ZNF740: variants seen among roughly 807,000 people sequenced by gnomAD.
ZNF740 encodes oriLyt TD-element-binding protein 7.
Under a neutral mutation model 24.8 loss-of-function variants are expected in ZNF740, and 14 were observed. The observed-to-expected ratio is 0.56, with a 90% confidence interval of 0.37 to 0.88. The LOEUF (loss-of-function observed/expected upper bound fraction) is 0.88, where lower values mean the gene tolerates loss of function less well. ZNF740 is among the 40% of genes least tolerant of loss of function. The pLI is 0.00. For missense variants in ZNF740, 201 were observed against 247.9 expected (o/e 0.81, Z 1.27); for synonymous variants, 69 against 84.0 (o/e 0.82, Z 0.98).
At position 53,192,614 on chromosome 12, in the gene ZNF740, G is replaced by A. The variant is rs762561473; in HGVS notation, c.*5024G>A. On this transcript the variant is annotated 3_prime_UTR_variant, in exon 7 of 7. Coordinates refer to ENST00000416904, the MANE Select transcript of ZNF740 (RefSeq NM_001004304.4). The stretch of plus-strand genomic sequence containing the variant: ...CCCCTTGCCCAACTACAAGCAGGAC[G>A]GAGAGTAGGCAGATGGGAGTAGCTC... The A allele has an allele frequency of 1.0e-4, 162 of 1,596,358 alleles. No homozygotes were observed. The highest frequency in any genetic ancestry group is 1.3e-4 in the Non-Finnish European group (157 of 1,166,564).
At position 53,184,114 on chromosome 12, in the gene ZNF740, G is replaced by GGCGT. The variant is rs1555175868; in HGVS notation, c.10-776_10-775insCGTG. Reference sequence around the variant, plus strand: ...TCAAAAGTGGGCTCTGAAGCTAAGGGGTGTGTGTGTGTGTGTGTGTGTGTG... The same window carrying GGCGT: ...TCAAAAGTGGGCTCTGAAGCTAAGGGGCGTGTGTGTGTGTGTGTGTGTGTGTGTG... On this transcript the variant is annotated intron_variant, in intron 2 of 6. Transcript: ENST00000416904. Among the ~76,000 whole-genome samples the GGCGT allele has an allele frequency of 2.4e-5, 3 of 123,572 alleles. No homozygotes were observed. In the South Asian group the frequency reaches 8.2e-4, roughly 34 times the overall value. 81.1% of individuals were successfully genotyped at this position (123,572 alleles called of 152,430 possible).
chr12:53,194,373 C>T lies in ZNF740; in HGVS notation c.*6783C>T, dbSNP rs369904639. On this transcript the variant is annotated 3_prime_UTR_variant, in exon 7 of 7. Transcript: ENST00000416904. ...TGGGAAGAGAGCGAGTGGATAACCA[C>T]GTGAAGGCAGAAAAGGACTCCAACC... 8.7e-6 allele frequency: 14 copies of T among 1,611,812 alleles called. No homozygotes were observed. The highest frequency in any genetic ancestry group is 1.1e-5 in the South Asian group (1 of 90,896).
intron 1 of ZNF740, 98 bp downstream of exon 1, chr12:53,180,935 AG>A: frequency 5.8e-6 from 1 of 172,306 alleles, no homozygotes; most frequent in Non-Finnish European, 6.7e-6. Context: ...GGGGGAGGGG[AG>A]GGGAGGAGGG....
Position 53,193,538 on chromosome 12 carries a change from T to G in ZNF740, c.*5948T>G. On this transcript the variant is annotated 3_prime_UTR_variant, in exon 7 of 7. Coordinates refer to ENST00000416904, the MANE Select transcript of ZNF740 (RefSeq NM_001004304.4). Reference sequence around the variant, plus strand: ...GGTGAGAGAGTGGAGGGAGCCCCAGTCAGGGGGAGGGCCTGGACATACATG... The same window carrying G: ...GGTGAGAGAGTGGAGGGAGCCCCAGGCAGGGGGAGGGCCTGGACATACATG... 1.3e-6 allele frequency: 1 copy of G among 748,268 alleles called. No individual in the cohort carries two copies. The highest frequency in any genetic ancestry group is 2.2e-6 in the Non-Finnish European group (1 of 463,356). The allele number at this position is 748,268 out of a possible 1,614,324, so 46.4% of individuals were successfully genotyped here. A position where few individuals can be genotyped will look rare whatever the true frequency, so the allele number is the denominator to read the frequency against.
intron 5 of ZNF740, 120 bp downstream of exon 5, chr12:53,186,197 T>A (rs1941817429): frequency 7.4e-7 from 1 of 1,357,746 alleles, no homozygotes; most frequent in African/African-American, 1.5e-5. Context: ...AGGAAGAAGA[T>A]AAGTCAATGA....
chr12:53,185,041 G>A lies in ZNF740; in HGVS notation c.159+1G>A. Reference sequence around the variant, plus strand: ...TGATGTGCTGAGGTGCTCGAGTCAGGTACAGCGCTTGAGTCCATTGTGGCA... The same window carrying A: ...TGATGTGCTGAGGTGCTCGAGTCAGATACAGCGCTTGAGTCCATTGTGGCA... On this transcript the variant is annotated splice_donor_variant, in intron 3 of 6. Coordinates refer to ENST00000416904, the MANE Select transcript of ZNF740 (RefSeq NM_001004304.4). LOFTEE classifies it high-confidence loss of function. 6.2e-7 allele frequency: 1 copy of A among 1,613,834 alleles called. No homozygotes were observed. Among genetic ancestry groups the A allele is most frequent in the Non-Finnish European group, 8.5e-7 (1 of 1,179,858 alleles).
rs1489400231 is a variant in ZNF740 at position 53,192,944 on chromosome 12, A to G, written c.*5354A>G. 6.3e-7 allele frequency: 1 copy of G among 1,593,950 alleles called. No homozygotes were observed. Among genetic ancestry groups the G allele is most frequent in the African/African-American group, 1.3e-5 (1 of 74,444 alleles). Reference sequence around the variant, plus strand: ...GAGCCATGCAGAGGGTGACAACCATACTCCACACACACAGTTGGCCATCAT... The same window carrying G: ...GAGCCATGCAGAGGGTGACAACCATGCTCCACACACACAGTTGGCCATCAT... On this transcript the variant is annotated 3_prime_UTR_variant, in exon 7 of 7. Transcript: ENST00000416904.
rs1396209505 is a variant in ZNF740, at chr12:53,190,693, T to TA, written c.*3106dup. ...CCCTGTTTTTTGTTTTTTTTTTTTT[T>TA]AAATAATATTTTGCTATGGGGGAGG... On this transcript the variant is annotated 3_prime_UTR_variant, in exon 7 of 7. Coordinates refer to ENST00000416904, the MANE Select transcript of ZNF740 (RefSeq NM_001004304.4). 2.6e-5 allele frequency: 4 copies of TA among 151,794 alleles called. No individual in the cohort carries two copies. The highest frequency in any genetic ancestry group is 9.7e-5 in the African/African-American group (4 of 41,288). 9.4% of individuals were successfully genotyped at this position (151,794 alleles called of 1,614,324 possible). A position where few individuals can be genotyped will look rare whatever the true frequency, so the allele number is the denominator to read the frequency against.
chr12:53,182,123 A>T, intron 2 of ZNF740, 131 bp downstream of exon 2: 2 of 1,317,656 alleles, frequency 1.5e-6, no homozygotes, highest in Non-Finnish European at 2.1e-6. Context: ...CCAGGGGGAG[A>T]TCTAGAGGAA....
At position 53,193,954 on chromosome 12, in the gene ZNF740, C is replaced by T. The variant is rs530728897; in HGVS notation, c.*6364C>T. 3.4e-6 allele frequency: 5 copies of T among 1,488,958 alleles called. No homozygotes were observed. Among genetic ancestry groups the T allele is most frequent in the East Asian group, 2.3e-5 (1 of 43,996 alleles). 92.2% of individuals were successfully genotyped at this position (1,488,958 alleles called of 1,614,324 possible). A position where few individuals can be genotyped will look rare whatever the true frequency, so the allele number is the denominator to read the frequency against. ...GTTATACACATGCACACACACATAC[C>T]CCAAACTCACCAATCATCCAGAACC... is the stretch of plus-strand genomic sequence containing the variant. On this transcript the variant is annotated 3_prime_UTR_variant, in exon 7 of 7. Transcript: ENST00000416904.
Position 53,192,658 on chromosome 12 carries a change from C to G in ZNF740, c.*5068C>G. 1 of 1,605,964 alleles carries G rather than the reference C, an allele frequency of 6.2e-7. No individual in the cohort carries two copies. Reference sequence around the variant, plus strand: ...GTAGCTCAACAAGCCCCACTGTGCCCCTGCTCCCAAGATGCAAGACCTGAG... The same window carrying G: ...GTAGCTCAACAAGCCCCACTGTGCCGCTGCTCCCAAGATGCAAGACCTGAG... On this transcript the variant is annotated 3_prime_UTR_variant, in exon 7 of 7. Coordinates refer to ENST00000416904, the MANE Select transcript of ZNF740 (RefSeq NM_001004304.4).
At chr12:53,184,173 A>AG (rs1243848945) in intron 2 of ZNF740, among the ~76,000 whole-genome samples, 1 of 93,298 alleles carries the variant, frequency 1.1e-5, no homozygotes, top group Non-Finnish European at 1.9e-5. Context: ...TCTGAAGCTA[A>AG]GGGGTGTGTG....
chr12:53,195,022 TA>T lies in ZNF740; in HGVS notation c.*7436del, dbSNP rs1942109468. 1 of 245,742 alleles carries T rather than the reference TA, an allele frequency of 4.1e-6. No individual in the cohort carries two copies. Among genetic ancestry groups the T allele is most frequent in the African/African-American group, 2.2e-5 (1 of 45,440 alleles). 15.2% of individuals were successfully genotyped at this position (245,742 alleles called of 1,614,324 possible). Reference sequence around the variant, plus strand: ...CTCCTTGTGTGGGTTTCCTCATCTGTAAAATAGGGATGGTAACAGTTATGAA... The same window carrying T: ...CTCCTTGTGTGGGTTTCCTCATCTGTAAATAGGGATGGTAACAGTTATGAA... On this transcript the variant is annotated 3_prime_UTR_variant, in exon 7 of 7. Transcript: ENST00000416904.
At position 53,181,983 on chromosome 12, in the gene ZNF740, C is replaced by G. The variant is rs558437364; in HGVS notation, c.-1C>G. Reference sequence around the variant, plus strand: ...TGGGTTGCCTTAAGTGAGAAATCAGCATGGCTCAGGTAAAAAGCTCTAGAG... The same window carrying G: ...TGGGTTGCCTTAAGTGAGAAATCAGGATGGCTCAGGTAAAAAGCTCTAGAG... On this transcript the variant is annotated 5_prime_UTR_variant, in exon 2 of 7. Coordinates refer to ENST00000416904, the MANE Select transcript of ZNF740 (RefSeq NM_001004304.4). 2.5e-6 allele frequency: 4 copies of G among 1,607,886 alleles called. No homozygotes were observed. In the Admixed American group the frequency reaches 6.8e-5, roughly 27 times the overall value.
Position 53,191,165 on chromosome 12 carries a change from T to C in ZNF740, c.*3575T>C. On this transcript the variant is annotated 3_prime_UTR_variant, in exon 7 of 7. Coordinates refer to ENST00000416904, the MANE Select transcript of ZNF740 (RefSeq NM_001004304.4). ...CCCTTTCCAGACCTGGCTTCCTGGG[T>C]CCCAGGGTGCACCCCGGGAGTTTCC... The C allele has an allele frequency of 7.7e-6, 2 of 258,980 alleles. No homozygotes were observed. The allele number at this position is 258,980 out of a possible 1,614,324, so 16.0% of individuals were successfully genotyped here.
chr12:53,181,318 C>T (rs1212873408), intron 1 of ZNF740: 1 of 985,448 alleles, frequency 1.0e-6, no homozygotes, highest in Non-Finnish European at 1.2e-6. Context: ...CTTGAGCTTT[C>T]CTCCACCCTA....
At chr12:53,183,866 C>CAA (rs938473219) in intron 2 of ZNF740, among the ~76,000 whole-genome samples, 1 of 150,194 alleles carries the variant, frequency 6.7e-6, no homozygotes, top group African/African-American at 2.4e-5. Flanking sequence ...TCTATAAATA[C>CAA]AAAAAAAAAT....
At position 53,194,021 on chromosome 12, in the gene ZNF740, C is replaced by T. The variant is rs1359067627; in HGVS notation, c.*6431C>T. 1 of 1,300,496 alleles carries T rather than the reference C, an allele frequency of 7.7e-7. No homozygotes were observed. Among genetic ancestry groups the T allele is most frequent in the Non-Finnish European group, 1.1e-6 (1 of 933,092 alleles). The allele number at this position is 1,300,496 out of a possible 1,614,324, so 80.6% of individuals were successfully genotyped here. On this transcript the variant is annotated 3_prime_UTR_variant, in exon 7 of 7. Coordinates refer to ENST00000416904, the MANE Select transcript of ZNF740 (RefSeq NM_001004304.4). ...GAAGGGATGGGGTCATGTTAACACC[C>T]AACTCCTAGAAACATGCCTGAGGAA...
Position 53,192,220 on chromosome 12 carries a change from C to T in ZNF740, c.*4630C>T, listed in dbSNP as rs1941979358. 2 of 1,297,470 alleles carry T rather than the reference C, an allele frequency of 1.5e-6. No homozygotes were observed. The highest frequency in any genetic ancestry group is 4.7e-5 in the East Asian group (2 of 42,110). The allele number at this position is 1,297,470 out of a possible 1,614,324, so 80.4% of individuals were successfully genotyped here. ...TGCCTCTGCCTTTGTCCTGGATTCA[C>T]AGTTCTGCTTCAGCCCCCAGCCTGT... On this transcript the variant is annotated 3_prime_UTR_variant, in exon 7 of 7. Transcript: ENST00000416904.
Sources: gnomAD v4.1 joint callset for allele counts (sites outside exome capture counted in the v4.1 genomes callset) on GRCh38, gnomAD v4.1.1 for gene constraint, MANE v1.5 for transcripts, NCBI Gene and HGNC (gene_info 2026-07-23, HGNC 2026-07-21) for gene names.